The following CADM2 variants were observed in gnomAD, a reference collection of about 807,000 sequenced individuals.
CADM2 encodes the protein immunoglobulin superfamily member 4D.
CADM2 carries 12 observed loss-of-function variants against 49.8 expected under a neutral mutation model. The ratio of observed to expected loss-of-function variants is 0.24; its 90% confidence interval spans 0.15 to 0.39. The LOEUF is 0.39. CADM2 is among the 10% of genes least tolerant of loss of function. The pLI is 1.00. For synonymous variants in CADM2, 214 were observed against 175.4 expected (o/e 1.22, Z -1.74); for missense variants, 378 against 492.3 (o/e 0.77, Z 2.20).
chr3:85,887,579 CATA>C (rs1713845888), intron 5 of CADM2, among the ~76,000 whole-genome samples: 1 of 151,984 alleles, frequency 6.6e-6, no homozygotes, highest in Non-Finnish European at 1.5e-5. Flanking sequence ...GGTCCTTATC[CATA>C]ATTTTACCCT....
At chr3:85,526,329 A>T (rs2061158589) in intron 1 of CADM2, among the ~76,000 whole-genome samples, 1 of 151,922 alleles carries the variant, frequency 6.6e-6, no homozygotes, top group Non-Finnish European at 1.5e-5. Context: ...GTAGTTCTTT[A>T]TGTAGTGATT....
chr3:85,015,276 T>C (rs754180899), intron 1 of CADM2, among the ~76,000 whole-genome samples: 11 of 152,168 alleles, frequency 7.2e-5, no homozygotes, highest in Non-Finnish European at 1.0e-4. Flanking sequence ...TGGAAATCCA[T>C]GGCACTGGTG....
chr3:85,537,585 CTGTT>C (rs762659831), intron 1 of CADM2, among the ~76,000 whole-genome samples: 3 of 151,732 alleles, frequency 2.0e-5, no homozygotes, highest in East Asian at 1.9e-4. Context: ...AATCATCAAA[CTGTT>C]TGGTGATTGT....
intron 1 of CADM2, among the ~76,000 whole-genome samples, chr3:85,500,000 A>G (rs971823464): frequency 3.3e-5 from 5 of 152,226 alleles, no homozygotes; most frequent in Non-Finnish European, 7.4e-5. Context: ...TATGTTTTAC[A>G]AATGTTATGA....
chr3:85,886,607 A>C (rs1215712634), intron 5 of CADM2, among the ~76,000 whole-genome samples: 3 of 152,154 alleles, frequency 2.0e-5, no homozygotes, highest in Non-Finnish European at 4.4e-5. Flanking sequence ...ATATATGAAG[A>C]AACATATAGA....
At chr3:85,922,006 A>C (rs1719180146) in intron 6 of CADM2, among the ~76,000 whole-genome samples, 1 of 152,044 alleles carries the variant, frequency 6.6e-6, no homozygotes, top group South Asian at 2.1e-4. Context: ...TACTGTTTTG[A>C]GTACTGTAGT....
intron 8 of CADM2, among the ~76,000 whole-genome samples, chr3:85,971,355 T>G (rs1353757846): frequency 6.6e-6 from 1 of 151,634 alleles, no homozygotes; most frequent in Non-Finnish European, 1.5e-5. Context: ...TTTATATAAA[T>G]GACCAAGCCG....
intron 1 of CADM2, among the ~76,000 whole-genome samples, chr3:85,452,577 A>C (rs1406393162): frequency 6.6e-6 from 1 of 151,790 alleles, no homozygotes. Context: ...CAACAACAAC[A>C]ACAAAAAAGA....
chr3:85,864,056 C>T (rs555412950), intron 3 of CADM2, among the ~76,000 whole-genome samples: 4 of 152,134 alleles, frequency 2.6e-5, no homozygotes, highest in East Asian at 1.9e-4. Flanking sequence ...GATCTTAGGA[C>T]GAGAGTCCAG....
intron 1 of CADM2, among the ~76,000 whole-genome samples, chr3:85,201,764 C>A (rs2041508109): frequency 1.3e-5 from 2 of 152,082 alleles, no homozygotes; most frequent in Non-Finnish European, 2.9e-5. Flanking sequence ...TCTCCATAAA[C>A]CACTTTGTTT....
At chr3:85,330,021 T>G (rs2044873465) in intron 1 of CADM2, among the ~76,000 whole-genome samples, 1 of 152,218 alleles carries the variant, frequency 6.6e-6, no homozygotes, top group Non-Finnish European at 1.5e-5. Context: ...TTTTTCTGAT[T>G]AAATTCATCT....
intron 1 of CADM2, among the ~76,000 whole-genome samples, chr3:85,026,990 A>G (rs1192189987): frequency 6.6e-6 from 1 of 151,780 alleles, no homozygotes; most frequent in African/African-American, 2.4e-5. Flanking sequence ...TTAGTTTTTC[A>G]CGACATGTCT....
intron 1 of CADM2, among the ~76,000 whole-genome samples, chr3:85,067,696 T>A (rs751688208): frequency 2.0e-5 from 3 of 152,224 alleles, no homozygotes; most frequent in Non-Finnish European, 2.9e-5. Context: ...CTATCTTCTT[T>A]GGCTGTTTGT....
intron 1 of CADM2, among the ~76,000 whole-genome samples, chr3:85,101,810 A>C (rs958671359): frequency 1.3e-5 from 2 of 152,174 alleles, no homozygotes. Context: ...GTGATGCTTG[A>C]GTGAATCGGA....
In CADM2 at chr3:85,982,468, G is replaced by T. The variant is rs181872050; in HGVS notation, c.970+20821G>T. ...AAAAAGTTTTTTTGTAAGCTGGGAA[G>T]TTCATATTATCTATTTTAAAAGAAA... On this transcript the variant is annotated intron_variant, in intron 8 of 9. Transcript: ENST00000383699. Among the ~76,000 whole-genome samples, 438 of 151,620 alleles carry T rather than the reference G, an allele frequency of 2.9e-3. 1 individual carries two copies. The highest frequency in any genetic ancestry group is 1.0e-2 in the African/African-American group (413 of 41,448).
intron 8 of CADM2, chr3:85,993,696 T>C (rs538234927): frequency 1.3e-5 from 2 of 152,288 alleles, no homozygotes; most frequent in South Asian, 2.1e-4. Flanking sequence ...TTAACAGGCA[T>C]GAAAACAACA....
At chr3:85,692,826 T>G (rs1464657967) in intron 1 of CADM2, among the ~76,000 whole-genome samples, 1 of 152,188 alleles carries the variant, frequency 6.6e-6, no homozygotes, top group Non-Finnish European at 1.5e-5. Flanking sequence ...ATTCTTATTT[T>G]CCACAAAGAA....
chr3:85,588,389 T>C (rs1204822865), intron 1 of CADM2, among the ~76,000 whole-genome samples: 1 of 151,980 alleles, frequency 6.6e-6, no homozygotes, highest in Admixed American at 6.6e-5. Context: ...CACCCCACAT[T>C]GACAGTTAAG....
At chr3:85,922,456 A>G (rs1234171236) in intron 6 of CADM2, among the ~76,000 whole-genome samples, 2 of 152,086 alleles carry the variant, frequency 1.3e-5, no homozygotes, top group Non-Finnish European at 2.9e-5. Context: ...AGGAGAGTGA[A>G]CAACAAATTT....
Sources: gnomAD v4.1 joint callset for allele counts (sites outside exome capture counted in the v4.1 genomes callset) on GRCh38, gnomAD v4.1.1 for gene constraint, MANE v1.5 for transcripts, NCBI Gene and HGNC (gene_info 2026-07-23, HGNC 2026-07-21) for gene names.